Variants in DNAH2 observed in about 807,000 individuals in gnomAD.
The protein encoded by DNAH2 is dynein axonemal heavy chain 2.
A neutral mutation model predicts 523.5 loss-of-function variants in DNAH2; 323 were observed. That is an observed-to-expected ratio of 0.62 (90% confidence interval 0.56 to 0.68). The LOEUF is 0.68. Among genes scored for constraint, DNAH2 ranks in the 30% least tolerant of loss-of-function variants. The pLI is 0.00. For missense variants in DNAH2, 4,907 were observed against 5,701.5 expected (o/e 0.86, Z 4.49); for synonymous variants, 2,093 against 2,177.4 (o/e 0.96, Z 1.08).
At chr17:7,825,950 G>T (rs2078006689) in intron 77 of DNAH2, among the ~76,000 whole-genome samples, 1 of 152,150 alleles carries the variant, frequency 6.6e-6, no homozygotes, top group African/African-American at 2.4e-5. Flanking sequence ...CGGGTGTGAT[G>T]GCTCACACCT....
chr17:7,739,813 G>A lies in DNAH2; in HGVS notation c.1251G>A (p.Gly417=). ...TTCCTTGCTTCTTTGGTGCCCAGGG[G>A]CCACAGATAACACGGAACTTGCTGG... ...GPLPCFFGAQ[G]PQITRNLLEI... is the part of the protein sequence containing the mutation. The change falls in exon 9 of 86, where the codon GGG becomes GGA. Residue 417 remains glycine, a synonymous_variant. Coordinates refer to ENST00000572933, the MANE Select transcript of DNAH2 (RefSeq NM_020877.5). The A allele has an allele frequency of 6.2e-7, 1 of 1,613,968 alleles. No individual in the cohort carries two copies. The highest frequency in any genetic ancestry group is 1.1e-5 in the South Asian group (1 of 91,056).
chr17:7,732,935 G>A (rs1235547582), intron 4 of DNAH2, 152 bp from the exon 5 acceptor site: 3 of 689,840 alleles, frequency 4.3e-6, no homozygotes, highest in East Asian at 2.7e-5. Context: ...AATCATATCC[G>A]TGAAAAGAAC....
At chr17:7,729,994 A>G (rs1235421817) in intron 4 of DNAH2, among the ~76,000 whole-genome samples, 2 of 152,228 alleles carry the variant, frequency 1.3e-5, no homozygotes, top group Non-Finnish European at 2.9e-5. Flanking sequence ...ATTGCATGGT[A>G]ACTGCAAGTG....
intron 44 of DNAH2, among the ~76,000 whole-genome samples, chr17:7,791,426 G>A (rs757643024): frequency 3.9e-5 from 6 of 152,106 alleles, no homozygotes; most frequent in Admixed American, 3.3e-4. Context: ...CAACATGTCC[G>A]TTAAATTAAC....
rs1378952815 is a variant in DNAH2 at position 7,833,526 on chromosome 17, A to G, written c.13277A>G (p.Asp4426Gly). The change falls in exon 86 of 86, where the codon GAC (aspartate) becomes GGC (glycine). Residue 4426 changes from aspartate (D) to glycine (G), a missense_variant. Asp to Gly is a moderately conservative substitution (Grantham distance 94, BLOSUM62 -1). This residue lies in a region of DNAH2 where 1,851 missense variants were observed against 2,139.4 expected (regional missense o/e 0.87). Coordinates refer to ENST00000572933, the MANE Select transcript of DNAH2 (RefSeq NM_020877.5). Reference protein sequence around the residue: ...KRGTALLMSLDS With the variant: ...KRGTALLMSLGS ...GGCACTGCTCTACTCATGAGCCTGG[A>G]CAGCTGAGACCTCCTCCTCTTCTCC... The G allele has an allele frequency of 6.2e-7, 1 of 1,613,646 alleles. No homozygotes were observed. The highest frequency in any genetic ancestry group is 8.5e-7 in the Non-Finnish European group (1 of 1,180,008).
At chr17:7,736,427 A>G (rs754276007) in intron 7 of DNAH2, among the ~76,000 whole-genome samples, 5 of 152,208 alleles carry the variant, frequency 3.3e-5, no homozygotes, top group Non-Finnish European at 5.9e-5. Context: ...CGGCCAGTTG[A>G]TCCGACAGCA....
At chr17:7,733,339 T>C (rs754927352) in intron 5 of DNAH2, 24 bp downstream of exon 5, 3 of 1,610,374 alleles carry the variant, frequency 1.9e-6, no homozygotes, top group South Asian at 1.1e-5. Flanking sequence ...CCGGAGTGAC[T>C]AGTTTCTCCT....
At position 7,799,158 on chromosome 17, in the gene DNAH2, A is replaced by G. The variant is rs777224744; in HGVS notation, c.8615A>G (p.Asp2872Gly). Residue 2872 changes from aspartate to glycine, a missense_variant, in exon 56 of 86, where the codon GAC (aspartate) becomes GGC (glycine). Asp to Gly is a moderately conservative substitution (Grantham distance 94, BLOSUM62 -1). This residue lies in a region of DNAH2 where 1,851 missense variants were observed against 2,139.4 expected (regional missense o/e 0.87). Coordinates refer to ENST00000572933, the MANE Select transcript of DNAH2 (RefSeq NM_020877.5). ...GTGGAGCAGGTGCCTGAGTCATCGG[A>G]CAGCCTCTTCGCCTACCTCATTGAA... Reference protein sequence around the residue: ...ARVEQVPESSDSLFAYLIERV... With the variant: ...ARVEQVPESSGSLFAYLIERV... The G allele has an allele frequency of 6.2e-7, 1 of 1,614,178 alleles. No individual in the cohort carries two copies. The highest frequency in any genetic ancestry group is 8.5e-7 in the Non-Finnish European group (1 of 1,180,028).
intron 2 of DNAH2, 59 bp from the exon 3 acceptor site, chr17:7,723,569 G>A: frequency 6.7e-7 from 1 of 1,500,160 alleles, no homozygotes; most frequent in Non-Finnish European, 9.3e-7. Flanking sequence ...ACCGCGCCCA[G>A]CTGACTGTGT....
At position 7,758,926 on chromosome 17, in the gene DNAH2, C is replaced by T; in HGVS notation, c.2250C>T (p.Thr750=). The part of the protein sequence containing the change: ...IVNEFKASTL[T]IGWRAQEMSE... Reference sequence around the variant, plus strand: ...ATGAGTTCAAGGCATCCACTCTGACCATTGGCTGGCGAGCCCAAGAGATGT... The same window carrying T: ...ATGAGTTCAAGGCATCCACTCTGACTATTGGCTGGCGAGCCCAAGAGATGT... The change falls in exon 15 of 86, where the codon ACC becomes ACT. Residue 750 remains threonine (T), a synonymous_variant. Coordinates refer to ENST00000572933, the MANE Select transcript of DNAH2 (RefSeq NM_020877.5). The T allele has an allele frequency of 6.2e-7, 1 of 1,614,174 alleles. No homozygotes were observed. Among genetic ancestry groups the T allele is most frequent in the Non-Finnish European group, 8.5e-7 (1 of 1,180,022 alleles).
Position 7,804,953 on chromosome 17 carries a change from C to T in DNAH2, c.9184-5C>T. ...AAAAAACCCTTGTCCTTTTTTCATC[C>T]CTAGGCCGTAACAGCCAACAGTGAA... On this transcript the variant is annotated splice_polypyrimidine_tract_variant and splice_region_variant and intron_variant, in intron 59 of 85. Coordinates refer to ENST00000572933, the MANE Select transcript of DNAH2 (RefSeq NM_020877.5). The T allele has an allele frequency of 6.2e-7, 1 of 1,612,696 alleles. No individual in the cohort carries two copies.
intron 11 of DNAH2, among the ~76,000 whole-genome samples, chr17:7,741,204 CT>C (rs1463243722): frequency 6.6e-6 from 1 of 151,850 alleles, no homozygotes; most frequent in African/African-American, 2.4e-5. Context: ...TTAGGAATTT[CT>C]TTTCTTCCTT....
In DNAH2 at chr17:7,787,050, A is replaced by G. The variant is rs201161547; in HGVS notation, c.6603+17A>G. 2.2e-4 allele frequency: 351 copies of G among 1,613,030 alleles called. 3 individuals carry two copies. Among genetic ancestry groups the G allele is most frequent in the South Asian group, 1.2e-3 (112 of 91,020 alleles). The stretch of plus-strand genomic sequence containing the variant: ...CCCGAGCAGGTCAGGGACGCGGCTG[A>G]CTCCTGGAGGCCTGCAGAGGCAGGC... On this transcript the variant is annotated intron_variant, in intron 42 of 85. Transcript: ENST00000572933.
chr17:7,770,219 C>T (rs764368254), intron 24 of DNAH2, 33 bp from the exon 25 acceptor site: 1 of 1,562,658 alleles, frequency 6.4e-7, no homozygotes, highest in Non-Finnish European at 8.6e-7. Flanking sequence ...TGGTAACTCT[C>T]CTGACCTCAC....
chr17:7,748,806 G>GAT (rs1427229277), intron 12 of DNAH2, among the ~76,000 whole-genome samples: 1 of 150,002 alleles, frequency 6.7e-6, no homozygotes, highest in Non-Finnish European at 1.5e-5. Flanking sequence ...TCGCCACACA[G>GAT]ATTTTTTTTT....
intron 2 of DNAH2, among the ~76,000 whole-genome samples, chr17:7,721,093 C>T (rs902348799): frequency 2.0e-5 from 3 of 148,508 alleles, no homozygotes; most frequent in Non-Finnish European, 4.5e-5. Flanking sequence ...ACTGCAACCT[C>T]TGCCTCCCGG....
chr17:7,793,335 C>A, intron 48 of DNAH2, 130 bp downstream of exon 48: 1 of 928,328 alleles, frequency 1.1e-6, no homozygotes, highest in Non-Finnish European at 1.6e-6. Context: ...CGTCCTTCTC[C>A]ATGACAGCAG....
chr17:7,744,140 A>G (rs902652321), intron 12 of DNAH2, among the ~76,000 whole-genome samples: 1 of 152,034 alleles, frequency 6.6e-6, no homozygotes, highest in Non-Finnish European at 1.5e-5. Context: ...CTAAAAATAC[A>G]AAAATTAGCT....
rs747589623 is a variant in DNAH2, at chr17:7,766,310, C to T, written c.3512-8C>T. The T allele has an allele frequency of 6.2e-7, 1 of 1,611,216 alleles. No individual in the cohort carries two copies. Among genetic ancestry groups the T allele is most frequent in the South Asian group, 1.1e-5 (1 of 90,840 alleles). ...GGGAAGCTGAGCTTCATCCTGAATCCTCCACAGGCCATTTCACCAGCAACG... is the reference window on the plus strand; with the variant it reads ...GGGAAGCTGAGCTTCATCCTGAATCTTCCACAGGCCATTTCACCAGCAACG... On this transcript the variant is annotated splice_polypyrimidine_tract_variant and splice_region_variant and intron_variant, in intron 21 of 85. Transcript: ENST00000572933.
Sources: gnomAD v4.1 joint callset for allele counts (sites outside exome capture counted in the v4.1 genomes callset) on GRCh38, gnomAD v4.1.1 for gene constraint, gnomAD v4.1.1 regional missense constraint, MANE v1.5 for transcripts, NCBI Gene and HGNC (gene_info 2026-07-23, HGNC 2026-07-21) for gene names.